The following TMPRSS15 variants were observed in gnomAD, a reference collection of about 807,000 sequenced individuals.
TMPRSS15 encodes the protein enteropeptidase.
TMPRSS15 carries 128 observed loss-of-function variants against 125.3 expected under a neutral mutation model. That is an observed-to-expected ratio of 1.02 (90% CI 0.89 to 1.18). The LOEUF (loss-of-function observed/expected upper bound fraction) is 1.18. Among genes scored for constraint, TMPRSS15 ranks in the 50% most tolerant of loss-of-function variants. The pLI is 0.00. For missense variants in TMPRSS15, 1,283 were observed against 1,212.7 expected, an observed-to-expected ratio of 1.06 and a Z score of -0.86; for synonymous variants, 446 against 423.2, an observed-to-expected ratio of 1.05 and a Z score of -0.66.
chr21:18,403,428 G>A, intron 1 of TMPRSS15, 50 bp downstream of exon 1: 1 of 1,612,092 alleles, frequency 6.2e-7, no homozygotes, highest in Non-Finnish European at 8.5e-7. Context: ...ACACTAAAGT[G>A]TGTACATTCA....
intron 3 of TMPRSS15, 68 bp from the exon 4 acceptor site, chr21:18,383,846 GTTAA>G: frequency 6.5e-7 from 1 of 1,541,262 alleles, no homozygotes; most frequent in Non-Finnish European, 8.9e-7. Flanking sequence ...TTCAATTCAT[GTTAA>G]ATGTCTTTGA....
intron 18 of TMPRSS15, among the ~76,000 whole-genome samples, chr21:18,302,009 T>G (rs563907743): frequency 6.6e-6 from 1 of 152,348 alleles, no homozygotes; most frequent in Admixed American, 6.5e-5. Context: ...GCTCTGTTCT[T>G]AGCCCCTGAC....
At chr21:18,414,672 C>A (rs941257302) in intron 1 of TMPRSS15, among the ~76,000 whole-genome samples, 1 of 152,128 alleles carries the variant, frequency 6.6e-6, no homozygotes, top group Non-Finnish European at 1.5e-5. Flanking sequence ...CACGTTGTTG[C>A]AAAAAGCAGA....
chr21:18,269,828 C>T lies in TMPRSS15; in HGVS notation c.*141G>A. On this transcript the variant is annotated 3_prime_UTR_variant, in exon 25 of 25. Coordinates refer to ENST00000284885, the MANE Select transcript of TMPRSS15 (RefSeq NM_002772.3). ...ATTTTTAAAATTTTGTTTCCCTGGC[C>T]CCCTAGCATTTCATTGACATAGGTA... is the stretch of plus-strand genomic sequence containing the variant. The T allele has an allele frequency of 1.0e-6, 1 of 986,398 alleles. No homozygotes were observed. The highest frequency in any genetic ancestry group is 1.5e-6 in the Non-Finnish European group (1 of 665,790). 61.1% of individuals were successfully genotyped at this position (986,398 alleles called of 1,614,324 possible). A position where few individuals can be genotyped will look rare whatever the true frequency, so the allele number is the denominator to read the frequency against.
chr21:18,329,278 A>G lies in TMPRSS15; in HGVS notation c.1671T>C (p.Asn557=). ...GTTGTATATTCTTTCCTTTTTGTGC[A>G]TTTAAAATCCAAACACCTAAAAAGT... ...PNLAFCVWIL[N]AQKGKNIQLH... Residue 557 remains asparagine (N), a synonymous_variant, in exon 15 of 25, where the codon AAT becomes AAC. Coordinates refer to ENST00000284885, the MANE Select transcript of TMPRSS15 (RefSeq NM_002772.3). 6.2e-7 allele frequency: 1 copy of G among 1,610,852 alleles called. No homozygotes were observed. Among genetic ancestry groups the G allele is most frequent in the South Asian group, 1.1e-5 (1 of 90,896 alleles).
At chr21:18,402,676 A>C (rs955506479) in intron 1 of TMPRSS15, among the ~76,000 whole-genome samples, 3 of 152,184 alleles carry the variant, frequency 2.0e-5, no homozygotes, top group African/African-American at 7.2e-5. Flanking sequence ...AATTTACCCT[A>C]TAAATGAATA....
chr21:18,277,351 G>A (rs1171501482), intron 23 of TMPRSS15, among the ~76,000 whole-genome samples: 5 of 152,028 alleles, frequency 3.3e-5, no homozygotes, highest in Non-Finnish European at 7.4e-5. Context: ...ATGAAATAAA[G>A]AGTTTCAAAT....
At chr21:18,374,518 T>C (rs1176199021) in intron 5 of TMPRSS15, among the ~76,000 whole-genome samples, 3 of 138,892 alleles carry the variant, frequency 2.2e-5, no homozygotes. Context: ...TACATCAATA[T>C]ATGAGAAACA....
chr21:18,376,074 A>G (rs2075838561), intron 5 of TMPRSS15, among the ~76,000 whole-genome samples: 2 of 152,302 alleles, frequency 1.3e-5, no homozygotes, highest in South Asian at 4.1e-4. Context: ...TAGCTTACTC[A>G]ATAGGAAAAG....
chr21:18,302,212 T>C (rs2146914720), intron 18 of TMPRSS15, among the ~76,000 whole-genome samples: 1 of 152,264 alleles, frequency 6.6e-6, no homozygotes, highest in African/African-American at 2.4e-5. Context: ...GTTTAAGTAA[T>C]GAATAGAGCC....
chr21:18,327,048 C>T (rs1318773452), intron 15 of TMPRSS15, among the ~76,000 whole-genome samples: 1 of 152,124 alleles, frequency 6.6e-6, no homozygotes, highest in East Asian at 1.9e-4. Flanking sequence ...GCTTTTAAAC[C>T]TTTTGCCCTT....
intron 10 of TMPRSS15, among the ~76,000 whole-genome samples, chr21:18,346,822 ACAAT>A (rs1162262295): frequency 6.6e-6 from 1 of 152,214 alleles, no homozygotes; most frequent in Admixed American, 6.5e-5. Context: ...TTTCTTATGC[ACAAT>A]CAAATTAGCC....
intron 1 of TMPRSS15, among the ~76,000 whole-genome samples, chr21:18,475,264 T>TA (rs931606902): frequency 4.6e-5 from 7 of 152,060 alleles, no homozygotes; most frequent in African/African-American, 1.4e-4. Context: ...AAGATTGAGC[T>TA]AAAAAAAGTC....
intron 21 of TMPRSS15, among the ~76,000 whole-genome samples, chr21:18,287,995 A>C (rs1303843097): frequency 1.3e-5 from 2 of 152,192 alleles, no homozygotes; most frequent in Non-Finnish European, 2.9e-5. Flanking sequence ...ATCAATCCAA[A>C]GGAAAAGAAA....
chr21:18,349,002 A>T (rs573354872), intron 10 of TMPRSS15, among the ~76,000 whole-genome samples: 1 of 152,194 alleles, frequency 6.6e-6, no homozygotes, highest in Non-Finnish European at 1.5e-5. Context: ...AATAGAAGAT[A>T]GGAAACTTGC....
intron 21 of TMPRSS15, among the ~76,000 whole-genome samples, chr21:18,291,534 C>T (rs1236819047): frequency 6.6e-6 from 1 of 152,184 alleles, no homozygotes; most frequent in Non-Finnish European, 1.5e-5. Flanking sequence ...GGGCAAGCCA[C>T]TTGTGTGGCA....
intron 24 of TMPRSS15, among the ~76,000 whole-genome samples, chr21:18,270,681 G>GTGA (rs1568972334): frequency 6.6e-6 from 1 of 152,094 alleles, no homozygotes; most frequent in African/African-American, 2.4e-5. Flanking sequence ...ATAATTTTTA[G>GTGA]TGATAATTGC....
At chr21:18,433,921 T>TA (rs1261360632) in intron 1 of TMPRSS15, among the ~76,000 whole-genome samples, 1 of 152,126 alleles carries the variant, frequency 6.6e-6, no homozygotes, top group Non-Finnish European at 1.5e-5. Context: ...AGTTTGTTTT[T>TA]AAAAAAATAA....
intron 19 of TMPRSS15, among the ~76,000 whole-genome samples, chr21:18,294,971 A>G (rs958148160): frequency 2.0e-5 from 3 of 152,236 alleles, no homozygotes; most frequent in Non-Finnish European, 4.4e-5. Flanking sequence ...AATATTTGCA[A>G]TAAAACTATT....
Sources: allele counts gnomAD v4.1 joint callset (sites outside exome capture counted in the v4.1 genomes callset), GRCh38; gene constraint gnomAD v4.1.1; transcripts MANE v1.5; gene names NCBI Gene and HGNC (gene_info 2026-07-23, HGNC 2026-07-21).